The following ATP9B variants were observed in gnomAD, a reference collection of about 807,000 sequenced individuals.
ATP9B encodes probable phospholipid-transporting ATPase IIB.
In ATP9B, 110 loss-of-function variants were observed where a neutral mutation model predicts 146.1. The observed-to-expected ratio is 0.75, with a 90% CI of 0.65 to 0.88. ATP9B has a LOEUF of 0.88. Among genes scored for constraint, ATP9B ranks in the 40% least tolerant of loss-of-function variants. The pLI is 0.00. For missense variants in ATP9B, 1,499 were observed against 1,496.4 expected, an observed-to-expected ratio of 1.00 and a Z score of -0.03; for synonymous variants, 604 against 569.7, an observed-to-expected ratio of 1.06 and a Z score of -0.86.
chr18:79,298,491 AT>A (rs1171419289), intron 13 of ATP9B, among the ~76,000 whole-genome samples: 1 of 147,098 alleles, frequency 6.8e-6, no homozygotes, highest in Non-Finnish European at 1.5e-5. Flanking sequence ...GATTTTGCTC[AT>A]GGACCTCAAG....
intron 11 of ATP9B, among the ~76,000 whole-genome samples, chr18:79,228,779 C>T (rs2095760573): frequency 6.6e-6 from 1 of 152,170 alleles, no homozygotes; most frequent in Non-Finnish European, 1.5e-5. Flanking sequence ...AATCCCACCA[C>T]TTTGGGAAGT....
rs201221449 is a variant in ATP9B, at chr18:79,253,409, G to A, written c.1136G>A (p.Arg379Gln). Residue 379 changes from arginine (R) to glutamine (Q), a missense_variant, in exon 12 of 30, where the codon CGG (arginine) becomes CAG (glutamine). By Grantham distance (43) the Arg-to-Gln change is conservative. Coordinates refer to ENST00000426216, the MANE Select transcript of ATP9B (RefSeq NM_198531.5). ...GGTTTGTTGGACCTTGAACTCAATCGGCTGACGAAAGCGCTATTTTTGGCT... is the reference window on the plus strand; with the variant it reads ...GGTTTGTTGGACCTTGAACTCAATCAGCTGACGAAAGCGCTATTTTTGGCT... ...KVGLLDLELN[R>Q]LTKALFLALV... 44 of 1,610,500 alleles carry A rather than the reference G, an allele frequency of 2.7e-5. No individual in the cohort carries two copies. Among genetic ancestry groups the A allele is most frequent in the Middle Eastern group, 1.7e-4 (1 of 6,048 alleles).
At chr18:79,104,282 C>T (rs2048235378) in intron 2 of ATP9B, among the ~76,000 whole-genome samples, 1 of 152,038 alleles carries the variant, frequency 6.6e-6, no homozygotes, top group Non-Finnish European at 1.5e-5. Flanking sequence ...TGTGGAAAAT[C>T]ACTGGGTATT....
At chr18:79,319,553 GTCC>G (rs2096703771) in intron 15 of ATP9B, among the ~76,000 whole-genome samples, 1 of 152,160 alleles carries the variant, frequency 6.6e-6, no homozygotes, top group African/African-American at 2.4e-5. Flanking sequence ...GGCTTGCGTT[GTCC>G]TCCTCATTGT....
intron 26 of ATP9B, among the ~76,000 whole-genome samples, chr18:79,367,058 A>G (rs2097034643): frequency 6.6e-6 from 1 of 150,506 alleles, no homozygotes; most frequent in South Asian, 2.1e-4. Flanking sequence ...CAGAGAGCAC[A>G]CATATCTTCA....
Position 79,069,441 on chromosome 18 carries a change from C to G in ATP9B, c.31C>G (p.Arg11Gly), listed in dbSNP as rs529205323. Reference protein sequence around the residue: MADQIPLYPVRSAAAAAANRK... With the variant: MADQIPLYPVGSAAAAAANRK... ...GGACCAGATCCCGCTTTACCCGGTG[C>G]GTAGCGCAGCGGCGGCCGCAGCCAA... The change falls in exon 1 of 30, where the codon CGT becomes GGT. Residue 11 changes from arginine to glycine, a missense_variant. By Grantham distance (125) the Arg-to-Gly change is moderately radical. Transcript: ENST00000426216. 1.3e-6 allele frequency: 2 copies of G among 1,518,098 alleles called. No homozygotes were observed. The highest frequency in any genetic ancestry group is 1.8e-6 in the Non-Finnish European group (2 of 1,136,560). 94.0% of individuals were successfully genotyped at this position (1,518,098 alleles called of 1,614,324 possible). A position where few individuals can be genotyped will look rare whatever the true frequency, so the allele number is the denominator to read the frequency against.
chr18:79,090,586 C>G (rs1408804985), intron 1 of ATP9B, among the ~76,000 whole-genome samples: 1 of 152,152 alleles, frequency 6.6e-6, no homozygotes, highest in African/African-American at 2.4e-5. Context: ...TGAGAAATGT[C>G]TATTCGGATC....
chr18:79,242,622 A>G (rs2095900349), intron 11 of ATP9B, among the ~76,000 whole-genome samples: 1 of 152,180 alleles, frequency 6.6e-6, no homozygotes, highest in African/African-American at 2.4e-5. Flanking sequence ...ATGCGTTCTA[A>G]TTGGTACTTT....
chr18:79,190,733 A>G (rs939762737), intron 8 of ATP9B, among the ~76,000 whole-genome samples: 1 of 152,004 alleles, frequency 6.6e-6, no homozygotes, highest in African/African-American at 2.4e-5. Context: ...TTTAGTAGAG[A>G]CGGAGTTTCT....
Position 79,110,566 on chromosome 18 carries a change from A to G in ATP9B, c.444+61A>G, listed in dbSNP as rs186073619. ...TCAGAGATTGCTGGCTTCCTTTGCT[A>G]TAGGATGGAGCCTGTTGAGACTCTG... is the stretch of plus-strand genomic sequence containing the variant. On this transcript the variant is annotated intron_variant, in intron 3 of 29. Coordinates refer to ENST00000426216, the MANE Select transcript of ATP9B (RefSeq NM_198531.5). 24 of 1,516,394 alleles carry G rather than the reference A, an allele frequency of 1.6e-5. No homozygotes were observed. The African/African-American group carries it at 2.3e-4, about 14-fold the overall frequency. 93.9% of individuals were successfully genotyped at this position (1,516,394 alleles called of 1,614,324 possible).
At chr18:79,220,698 C>A in intron 11 of ATP9B, among the ~76,000 whole-genome samples, 1 of 152,178 alleles carries the variant, frequency 6.6e-6, no homozygotes, top group East Asian at 1.9e-4. Flanking sequence ...TAGGTTTATC[C>A]AGTAATTGAT....
At position 79,081,325 on chromosome 18, in the gene ATP9B, A is replaced by G. The variant is rs143344684; in HGVS notation, c.119+11796A>G. Among the ~76,000 whole-genome samples the G allele has an allele frequency of 4.9e-3, 744 of 152,178 alleles. 5 individuals carry two copies. Among genetic ancestry groups the G allele is most frequent in the South Asian group, 0.025 (118 of 4,814 alleles). On this transcript the variant is annotated intron_variant, in intron 1 of 29. Transcript: ENST00000426216. ...TGTTATTGGTCTATTCAGGGATTCA[A>G]CTTCTTCCTGGTTTAGTCTTGGGAG...
At chr18:79,165,604 G>A (rs72994273) in intron 7 of ATP9B, among the ~76,000 whole-genome samples, 10,265 of 151,998 alleles carry the variant, frequency 0.068, 417 homozygotes, top group Non-Finnish European at 0.096. Context: ...AATATTTTTC[G>A]AGACCTTCTT....
chr18:79,261,478 CAGGGCACGCCAAGG>C (rs999919208), intron 12 of ATP9B, among the ~76,000 whole-genome samples: 2 of 152,054 alleles, frequency 1.3e-5, no homozygotes, highest in African/African-American at 4.8e-5. Context: ...CTCTACGAGC[CAGGGCACGCCAAGG>C]ACTGTGAGCA....
intron 29 of ATP9B, 138 bp from the exon 30 acceptor site, chr18:79,377,109 G>A: frequency 2.1e-6 from 2 of 958,626 alleles, no homozygotes; most frequent in South Asian, 3.1e-5. Context: ...ATTTGGAGCT[G>A]GGCCCCTGTA....
intron 11 of ATP9B, among the ~76,000 whole-genome samples, chr18:79,241,994 C>CTTGG (rs776346407): frequency 6.6e-6 from 1 of 152,214 alleles, no homozygotes; most frequent in Non-Finnish European, 1.5e-5. Flanking sequence ...CGGGCCCCTC[C>CTTGG]TTGGGCCCAC....
chr18:79,247,274 T>C (rs2095977191), intron 11 of ATP9B, among the ~76,000 whole-genome samples: 1 of 152,198 alleles, frequency 6.6e-6, no homozygotes, highest in African/African-American at 2.4e-5. Context: ...ACGTAGACAG[T>C]CAGCATGAGT....
At chr18:79,300,501 G>T (rs528974636) in intron 13 of ATP9B, among the ~76,000 whole-genome samples, 1 of 152,300 alleles carries the variant, frequency 6.6e-6, no homozygotes, top group Non-Finnish European at 1.5e-5. Flanking sequence ...GGTGCAGGCT[G>T]TTGAGGGAGA....
chr18:79,084,850 G>A (rs924247618), intron 1 of ATP9B, among the ~76,000 whole-genome samples: 2 of 152,082 alleles, frequency 1.3e-5, no homozygotes, highest in African/African-American at 2.4e-5. Flanking sequence ...AAAAGATAAC[G>A]TTGGTTAGTT....
Sources: allele counts gnomAD v4.1 joint callset (sites outside exome capture counted in the v4.1 genomes callset), GRCh38; gene constraint gnomAD v4.1.1; transcripts MANE v1.5; gene names NCBI Gene and HGNC (gene_info 2026-07-23, HGNC 2026-07-21).